Variants in MDGA2 observed in about 807,000 individuals in gnomAD.
MDGA2 encodes MAM domain-containing glycosylphosphatidylinositol anchor protein 2.
A neutral mutation model predicts 117.8 loss-of-function variants in MDGA2; 40 were observed. The ratio of observed to expected loss-of-function variants is 0.34; its 90% CI spans 0.26 to 0.44. MDGA2 has a LOEUF of 0.44. Ranked by LOEUF, MDGA2 falls within the 20% of genes least tolerant of loss-of-function variation. The pLI is 1.00. For missense variants in MDGA2, 1,123 were observed against 1,250.6 expected, an observed-to-expected ratio of 0.90 and a Z score of 1.54; for synonymous variants, 452 against 439.0, an observed-to-expected ratio of 1.03 and a Z score of -0.37.
chr14:47,514,046 T>C (rs764475663), intron 1 of MDGA2, among the ~76,000 whole-genome samples: 3 of 152,100 alleles, frequency 2.0e-5, no homozygotes, highest in Non-Finnish European at 2.9e-5. Context: ...AACTCAGAAG[T>C]TGACAACAAA....
intron 2 of MDGA2, among the ~76,000 whole-genome samples, chr14:47,231,558 A>G (rs1251184550): frequency 6.6e-6 from 1 of 152,078 alleles, no homozygotes; most frequent in Non-Finnish European, 1.5e-5. Context: ...AGCACACATT[A>G]TTAAATTTTA....
intron 4 of MDGA2, 133 bp from the exon 5 acceptor site, chr14:47,131,979 G>A: frequency 1.6e-6 from 1 of 622,470 alleles, no homozygotes; most frequent in East Asian, 3.1e-5. Flanking sequence ...TTTTTTAAGG[G>A]AAATGTCCTA....
At chr14:47,509,996 T>C (rs1030577702) in intron 1 of MDGA2, among the ~76,000 whole-genome samples, 2 of 152,124 alleles carry the variant, frequency 1.3e-5, no homozygotes, top group East Asian at 3.9e-4. Context: ...AGAACATGAA[T>C]TTTGGGGGGA....
At chr14:47,284,456 C>T (rs17738759) in intron 2 of MDGA2, among the ~76,000 whole-genome samples, 13,843 of 152,158 alleles carry the variant, frequency 0.091, 782 homozygotes, top group Non-Finnish European at 0.11. Flanking sequence ...AACTCTTTGC[C>T]ATTGGACTCA....
intron 5 of MDGA2, among the ~76,000 whole-genome samples, chr14:47,131,025 A>G (rs1353459767): frequency 2.0e-5 from 3 of 151,930 alleles, no homozygotes; most frequent in Non-Finnish European, 4.4e-5. Flanking sequence ...AATAATATAT[A>G]TATGTAAAAA....
chr14:47,001,607 A>C (rs1014220886), intron 8 of MDGA2, among the ~76,000 whole-genome samples: 1 of 152,154 alleles, frequency 6.6e-6, no homozygotes, highest in African/African-American at 2.4e-5. Flanking sequence ...TCAATACAAA[A>C]ATAAAGTATT....
intron 2 of MDGA2, among the ~76,000 whole-genome samples, chr14:47,227,188 G>A (rs1157216617): frequency 1.3e-5 from 2 of 151,982 alleles, no homozygotes; most frequent in Non-Finnish European, 2.9e-5. Context: ...AGGACTTTTT[G>A]TTTCTCATGA....
At chr14:47,222,440 A>G (rs974436734) in intron 2 of MDGA2, among the ~76,000 whole-genome samples, 7 of 152,164 alleles carry the variant, frequency 4.6e-5, no homozygotes, top group Non-Finnish European at 8.8e-5. Flanking sequence ...GCCACTAAAG[A>G]CAAAAAGCAA....
intron 3 of MDGA2, among the ~76,000 whole-genome samples, chr14:47,212,622 C>T (rs753864970): frequency 6.6e-6 from 1 of 152,078 alleles, no homozygotes; most frequent in Non-Finnish European, 1.5e-5. Context: ...CATTGTCTTA[C>T]TGATTTCTTC....
chr14:47,300,536 C>T (rs1300630745), intron 2 of MDGA2, among the ~76,000 whole-genome samples: 1 of 151,896 alleles, frequency 6.6e-6, no homozygotes, highest in Non-Finnish European at 1.5e-5. Flanking sequence ...GTTGCCCAGA[C>T]TGGAGTGTGG....
chr14:46,896,352 C>A (rs3007101), intron 10 of MDGA2, among the ~76,000 whole-genome samples: 93,338 of 151,866 alleles, frequency 0.61, 29,879 homozygotes, highest in Admixed American at 0.73. Context: ...AATACTTACA[C>A]AAATGTATAA....
chr14:46,957,853 T>G (rs1213829920), intron 8 of MDGA2, among the ~76,000 whole-genome samples: 1 of 152,178 alleles, frequency 6.6e-6, no homozygotes, highest in East Asian at 1.9e-4. Flanking sequence ...GCCTCCTTGC[T>G]TTACAAATGC....
At chr14:46,844,226 G>C (rs11157529) in intron 16 of MDGA2, among the ~76,000 whole-genome samples, 3,480 of 152,154 alleles carry the variant, frequency 0.023, 133 homozygotes, top group African/African-American at 0.079. Context: ...ATAAATATGA[G>C]GTCTACTTCA....
intron 1 of MDGA2, among the ~76,000 whole-genome samples, chr14:47,460,519 C>A (rs1893460502): frequency 6.6e-6 from 1 of 151,566 alleles, no homozygotes; most frequent in Admixed American, 6.6e-5. Context: ...GAAAGAATTA[C>A]TATAAAAAAG....
At chr14:47,493,143 TTAAGG>T (rs1308341492) in intron 1 of MDGA2, among the ~76,000 whole-genome samples, 1 of 151,840 alleles carries the variant, frequency 6.6e-6, no homozygotes, top group African/African-American at 2.4e-5. Context: ...TTTGCAATCT[TTAAGG>T]TAAGACCTGT....
chr14:47,465,686 G>A (rs1465102141), intron 1 of MDGA2, among the ~76,000 whole-genome samples: 1 of 152,088 alleles, frequency 6.6e-6, no homozygotes, highest in Non-Finnish European at 1.5e-5. Flanking sequence ...AATAACAGAC[G>A]CTGGCAAGGT....
intron 1 of MDGA2, among the ~76,000 whole-genome samples, chr14:47,350,261 T>C (rs1218709019): frequency 6.6e-6 from 1 of 152,190 alleles, no homozygotes. Flanking sequence ...GCGCATTTCC[T>C]GGCCCAGTGG....
chr14:47,660,094 TAC>T (rs1369171385), intron 1 of MDGA2, among the ~76,000 whole-genome samples: 2 of 152,162 alleles, frequency 1.3e-5, no homozygotes, highest in African/African-American at 4.8e-5. Context: ...ACAACAGTTA[TAC>T]TACAGAATTA....
intron 1 of MDGA2, among the ~76,000 whole-genome samples, chr14:47,645,635 A>G (rs972112114): frequency 2.0e-5 from 3 of 152,032 alleles, no homozygotes; most frequent in African/African-American, 7.2e-5. Flanking sequence ...ATAATTACAG[A>G]CTGTTTCATT....
Sources: gnomAD v4.1 joint callset for allele counts (sites outside exome capture counted in the v4.1 genomes callset) on GRCh38, gnomAD v4.1.1 for gene constraint, MANE v1.5 for transcripts, NCBI Gene and HGNC (gene_info 2026-07-23, HGNC 2026-07-21) for gene names.